The following CEP112 variants were observed in gnomAD, a reference collection of about 807,000 sequenced individuals.
The protein encoded by CEP112 is centrosomal protein 112.
In CEP112, 127 loss-of-function variants were observed where a neutral mutation model predicts 153.0. The observed-to-expected ratio is 0.83, with a 90% CI of 0.72 to 0.96. The LOEUF (loss-of-function observed/expected upper bound fraction) is 0.96. Among genes scored for constraint, CEP112 ranks in the 40% least tolerant of loss-of-function variants. The pLI is 0.00. For missense variants in CEP112, 1,089 were observed against 1,101.2 expected, an observed-to-expected ratio of 0.99 and a Z score of 0.16; for synonymous variants, 358 against 374.4, an observed-to-expected ratio of 0.96 and a Z score of 0.51.
At chr17:65,661,426 T>A (rs2046380879) in intron 24 of CEP112, among the ~76,000 whole-genome samples, 1 of 152,252 alleles carries the variant, frequency 6.6e-6, no homozygotes, top group Admixed American at 6.5e-5. Context: ...TATGGTACTT[T>A]CATGGCTGTT....
intron 21 of CEP112, among the ~76,000 whole-genome samples, chr17:65,753,856 ATAGT>A (rs561310702): frequency 2.6e-5 from 4 of 152,310 alleles, no homozygotes; most frequent in East Asian, 1.9e-4. Flanking sequence ...GTCACGGATA[ATAGT>A]TAGTGCAGGA....
chr17:66,171,813 C>T (rs554053809), intron 4 of CEP112, among the ~76,000 whole-genome samples: 13 of 152,076 alleles, frequency 8.5e-5, no homozygotes, highest in African/African-American at 2.9e-4. Context: ...ACATAAGATA[C>T]CCTGAGATAT....
intron 21 of CEP112, among the ~76,000 whole-genome samples, chr17:65,794,467 ACT>A (rs1046828531): frequency 6.6e-6 from 1 of 150,982 alleles, no homozygotes; most frequent in Non-Finnish European, 1.5e-5. Flanking sequence ...TACAATTTCT[ACT>A]CTCTAATTTC....
At chr17:65,900,485 C>T (rs950577325) in intron 20 of CEP112, among the ~76,000 whole-genome samples, 2 of 151,958 alleles carry the variant, frequency 1.3e-5, no homozygotes, top group African/African-American at 4.8e-5. Context: ...TTGGATGAAC[C>T]GCACCCTATA....
chr17:65,836,505 T>C (rs1487824182), intron 21 of CEP112, among the ~76,000 whole-genome samples: 1 of 152,156 alleles, frequency 6.6e-6, no homozygotes, highest in Non-Finnish European at 1.5e-5. Context: ...CTTATATTAG[T>C]TTATGTTGAC....
At chr17:65,643,990 G>A (rs1480468503) in intron 24 of CEP112, among the ~76,000 whole-genome samples, 1 of 152,146 alleles carries the variant, frequency 6.6e-6, no homozygotes, top group Non-Finnish European at 1.5e-5. Flanking sequence ...CCATACAGCA[G>A]GAATGGGAGC....
intron 12 of CEP112, among the ~76,000 whole-genome samples, chr17:66,032,599 T>C (rs890994494): frequency 3.9e-5 from 6 of 152,166 alleles, no homozygotes; most frequent in Admixed American, 6.5e-5. Context: ...GATCTGTCTC[T>C]ACACCAGCTG....
At chr17:66,072,315 C>G (rs1425560209) in intron 8 of CEP112, among the ~76,000 whole-genome samples, 1 of 152,162 alleles carries the variant, frequency 6.6e-6, no homozygotes, top group Non-Finnish European at 1.5e-5. Flanking sequence ...ATCTACTGCA[C>G]AGTTTATACT....
At chr17:65,915,386 A>G (rs1348859910) in intron 19 of CEP112, among the ~76,000 whole-genome samples, 1 of 152,042 alleles carries the variant, frequency 6.6e-6, no homozygotes, top group East Asian at 1.9e-4. Context: ...CCAGCCCGGT[A>G]ACCTCTAACC....
intron 6 of CEP112, among the ~76,000 whole-genome samples, chr17:66,117,125 A>G (rs543117736): frequency 6.6e-6 from 1 of 152,066 alleles, no homozygotes; most frequent in Admixed American, 6.5e-5. Flanking sequence ...GGATCTCTTG[A>G]CCTCATGATC....
At chr17:65,952,868 G>A (rs974813538) in intron 18 of CEP112, among the ~76,000 whole-genome samples, 6 of 152,122 alleles carry the variant, frequency 3.9e-5, no homozygotes, top group African/African-American at 1.4e-4. Flanking sequence ...GATGAATGAT[G>A]ATGATATTGA....
intron 21 of CEP112, chr17:65,826,666 G>T (rs2146074418): frequency 1.9e-6 from 1 of 520,128 alleles, no homozygotes; most frequent in South Asian, 3.9e-5. Flanking sequence ...ATGACGAAAG[G>T]TTGACTTCTG....
At chr17:66,037,306 C>T (rs2065777619) in intron 12 of CEP112, among the ~76,000 whole-genome samples, 1 of 152,054 alleles carries the variant, frequency 6.6e-6, no homozygotes, top group South Asian at 2.1e-4. Context: ...CCAGAATGCT[C>T]TAAAAATAAC....
At chr17:65,757,361 G>T (rs1404443856) in intron 21 of CEP112, among the ~76,000 whole-genome samples, 1 of 152,156 alleles carries the variant, frequency 6.6e-6, no homozygotes, top group Non-Finnish European at 1.5e-5. Flanking sequence ...TCTCTGCAAA[G>T]TAGGAAGAAA....
chr17:65,905,187 T>G (rs905267196), intron 19 of CEP112, among the ~76,000 whole-genome samples: 2 of 151,698 alleles, frequency 1.3e-5, no homozygotes, highest in Non-Finnish European at 2.9e-5. Context: ...TGGGAGAAAA[T>G]TTTTGCAATC....
At chr17:65,737,170 A>G (rs2050852367) in intron 23 of CEP112, among the ~76,000 whole-genome samples, 1 of 152,216 alleles carries the variant, frequency 6.6e-6, no homozygotes, top group Admixed American at 6.5e-5. Flanking sequence ...TAAAATGAGT[A>G]AAGAAGAGTA....
chr17:65,778,620 G>C (rs1471345735), intron 21 of CEP112, among the ~76,000 whole-genome samples: 3 of 151,508 alleles, frequency 2.0e-5, no homozygotes, highest in African/African-American at 7.3e-5. Context: ...GGCTGTATGG[G>C]CTGAATTGGT....
intron 17 of CEP112, among the ~76,000 whole-genome samples, chr17:65,971,512 A>G (rs2062811957): frequency 6.7e-6 from 1 of 149,248 alleles, no homozygotes; most frequent in African/African-American, 2.5e-5. Context: ...TCACACATGC[A>G]CATTACATGT....
chr17:66,111,458 CCCA>C, intron 6 of CEP112, among the ~76,000 whole-genome samples: 1 of 152,224 alleles, frequency 6.6e-6, no homozygotes, highest in East Asian at 1.9e-4. Flanking sequence ...AACCTAAATG[CCCA>C]CCAATGACGG....
Sources: allele counts gnomAD v4.1 joint callset (sites outside exome capture counted in the v4.1 genomes callset), GRCh38; gene constraint gnomAD v4.1.1; transcripts MANE v1.5; gene names NCBI Gene and HGNC (gene_info 2026-07-23, HGNC 2026-07-21).